The following NCOR2 variants were observed in gnomAD, a reference collection of about 807,000 sequenced individuals.
NCOR2 encodes the protein CTG repeat protein 26.
NCOR2 carries 81 observed loss-of-function variants against 262.9 expected under a neutral mutation model. The observed-to-expected ratio is 0.31, with a 90% confidence interval of 0.26 to 0.37. NCOR2 has a LOEUF of 0.37. Among genes scored for constraint, NCOR2 ranks in the 10% least tolerant of loss-of-function variants. The pLI, the probability that NCOR2 is intolerant of heterozygous loss-of-function variation, is 1.00. For synonymous variants in NCOR2, 1,659 were observed against 1,559.3 expected (o/e 1.06, Z -1.51); for missense variants, 3,385 against 3,621.4 (o/e 0.93, Z 1.68).
chr12:124,345,811 C>T (rs1346417201), intron 31 of NCOR2, among the ~76,000 whole-genome samples: 2 of 152,196 alleles, frequency 1.3e-5, no homozygotes, highest in African/African-American at 2.4e-5. Context: ...CCTCCCGGGA[C>T]ACCCACCCCA....
At chr12:124,394,282 A>G (rs1033650469) in intron 16 of NCOR2, among the ~76,000 whole-genome samples, 2 of 152,226 alleles carry the variant, frequency 1.3e-5, no homozygotes, top group African/African-American at 4.8e-5. Flanking sequence ...AACGATGGTA[A>G]CTGAGGGTGA....
chr12:124,325,637 T>C, intron 46 of NCOR2, 54 bp from the exon 49 acceptor site: 1 of 1,202,538 alleles, frequency 8.3e-7, no homozygotes, highest in Non-Finnish European at 1.1e-6. Context: ...CGGCAGCCCC[T>C]GCTGGCCGCC....
At position 124,340,156 on chromosome 12, in the gene NCOR2, C is replaced by T. The variant is rs764887683; in HGVS notation, c.5537G>A (p.Ser1846Asn). 2 of 1,576,188 alleles carry T rather than the reference C, an allele frequency of 1.3e-6. No individual in the cohort carries two copies. Among genetic ancestry groups the T allele is most frequent in the Non-Finnish European group, 1.7e-6 (2 of 1,167,574 alleles). Residue 1846 changes from serine (S) to asparagine (N), a missense_variant, in exon 37 of 47, where the codon AGC becomes AAC. This residue lies in a region of NCOR2 where 1,017 missense variants were observed against 967.2 expected (regional missense o/e 1.05). Coordinates refer to ENST00000405201, the Ensembl canonical transcript of NCOR2. Reference sequence around the variant, plus strand: ...GGCATGGGAGTGGGAGGCGGGGCGGCTGCTGCTGCCCCCACCCCCGCCGCT... The same window carrying T: ...GGCATGGGAGTGGGAGGCGGGGCGGTTGCTGCTGCCCCCACCCCCGCCGCT...
intron 32 of NCOR2, among the ~76,000 whole-genome samples, chr12:124,344,040 A>G (rs1566370725): frequency 1.3e-5 from 2 of 152,348 alleles, no homozygotes; most frequent in South Asian, 2.1e-4. Flanking sequence ...GATGGAAAGA[A>G]ACCCACTAAG....
At chr12:124,461,805 T>G (rs531990351) in intron 5 of NCOR2, among the ~76,000 whole-genome samples, 1 of 152,248 alleles carries the variant, frequency 6.6e-6, no homozygotes, top group African/African-American at 2.4e-5. Context: ...ATGCCTCACA[T>G]GTGCCAATTC....
chr12:124,340,032 C>G, exon 37 of NCOR2: 1 of 1,612,604 alleles, frequency 6.2e-7, no homozygotes, highest in Non-Finnish European at 8.5e-7. Context: ...TGCTGGGCTC[C>G]ACAGCGGTGA....
At chr12:124,509,249 G>GGGGGGC (rs77999680) in intron 1 of NCOR2, among the ~76,000 whole-genome samples, 1 of 145,850 alleles carries the variant, frequency 6.9e-6, no homozygotes, top group African/African-American at 2.7e-5. Flanking sequence ...GGGGGGGGGG[G>GGGGGGC]CTTAACTCTG....
intron 13 of NCOR2, among the ~76,000 whole-genome samples, chr12:124,403,098 C>T (rs1390620922): frequency 2.0e-5 from 3 of 152,140 alleles, no homozygotes; most frequent in African/African-American, 4.8e-5. Context: ...TGGGGACACA[C>T]CCCTGATGCC....
At chr12:124,499,350 A>G (rs564891120), upstream of NCOR2, among the ~76,000 whole-genome samples, 8 of 152,228 alleles carry the variant, frequency 5.3e-5, 1 homozygote, top group South Asian at 1.7e-3. Context: ...TTACATACAC[A>G]CTGTGGTCCC....
rs186612391 is a variant in NCOR2 at position 124,348,248 on chromosome 12, G to A, written c.3911C>T (p.Thr1304Met). ...GTCATAGGTGCGCTTGGGGGCGGCC[G>A]TCTCATGGGGGGGTCCTGAGCTGCT... Residue 1304 changes from threonine to methionine, a missense_variant, in exon 29 of 47, where the codon ACG (threonine) becomes ATG (methionine). Thr to Met is a moderately conservative substitution (Grantham distance 81). Transcript: ENST00000405201. 763 of 1,613,256 alleles carry A rather than the reference G, an allele frequency of 4.7e-4. 5 individuals carry two copies. The African/African-American group carries it at 8.7e-3, about 18-fold the overall frequency.
chr12:124,347,733 C>G (rs1035274879), intron 30 of NCOR2, 92 bp downstream of exon 32: 4 of 1,313,856 alleles, frequency 3.0e-6, no homozygotes, highest in Non-Finnish European at 4.3e-6. Flanking sequence ...GTCCTGAGTT[C>G]CCACCACACT....
chr12:124,458,643 G>C (rs1431830842), intron 5 of NCOR2, among the ~76,000 whole-genome samples: 1 of 152,366 alleles, frequency 6.6e-6, no homozygotes, highest in East Asian at 1.9e-4. Flanking sequence ...AGCGCCATGG[G>C]AGGTACAGGC....
intron 3 of NCOR2, among the ~76,000 whole-genome samples, chr12:124,479,468 C>CACAT (rs1316098578): frequency 1.0e-5 from 1 of 100,458 alleles, no homozygotes; most frequent in Non-Finnish European, 2.3e-5. Flanking sequence ...CACACACACA[C>CACAT]AAACACGCAG....
intron 7 of NCOR2, among the ~76,000 whole-genome samples, chr12:124,442,481 C>G (rs922437229): frequency 1.7e-4 from 26 of 152,206 alleles, no homozygotes; most frequent in Non-Finnish European, 3.8e-4. Flanking sequence ...ATAAGCTGTC[C>G]ACATGAGGGG....
chr12:124,357,562 C>CACCT (rs1312578705), intron 22 of NCOR2, among the ~76,000 whole-genome samples: 22 of 152,236 alleles, frequency 1.4e-4, no homozygotes, highest in Non-Finnish European at 2.8e-4. Flanking sequence ...CTCCAGAGTG[C>CACCT]TGGAATTACA....
chr12:124,472,802 G>A (rs1314637893), intron 4 of NCOR2, 150 bp downstream of exon 6: 1 of 959,816 alleles, frequency 1.0e-6, no homozygotes, highest in Non-Finnish European at 1.6e-6. Context: ...TTCTGTGGAT[G>A]TGCTCCTGTC....
rs2040175572 is a variant in NCOR2, at chr12:124,378,400, G to A, written c.2020-16C>T. 2 of 1,605,708 alleles carry A rather than the reference G, an allele frequency of 1.2e-6. No individual in the cohort carries two copies. The highest frequency in any genetic ancestry group is 1.7e-5 in the Admixed American group (1 of 59,626). Reference sequence around the variant, plus strand: ...TCTCCTTCTCCTGGGGCACAGGGAAGCAGCAGATCAGGACTGGGGCCTGGG... The same window carrying A: ...TCTCCTTCTCCTGGGGCACAGGGAAACAGCAGATCAGGACTGGGGCCTGGG... On this transcript the variant is annotated splice_polypyrimidine_tract_variant and intron_variant, in intron 17 of 46. Transcript: ENST00000405201. The surrounding 1 kb of genome is among the most constrained non-coding windows in gnomAD (Gnocchi z 4.2).
chr12:124,453,660 GCCCCAGC>G (rs1290822656), intron 6 of NCOR2, among the ~76,000 whole-genome samples: 1 of 152,214 alleles, frequency 6.6e-6, no homozygotes, highest in Non-Finnish European at 1.5e-5. Context: ...TGAAGTGACA[GCCCCAGC>G]CCTCAACCCG....
intron 1 of NCOR2, among the ~76,000 whole-genome samples, chr12:124,552,040 C>A (rs2051729816): frequency 6.6e-6 from 1 of 152,134 alleles, no homozygotes; most frequent in Non-Finnish European, 1.5e-5. Context: ...TAAAAAGGGG[C>A]TGGGTGCAGT....
Sources: allele counts gnomAD v4.1 joint callset (sites outside exome capture counted in the v4.1 genomes callset), GRCh38; gene constraint gnomAD v4.1.1; regional missense constraint gnomAD v4.1.1; non-coding constraint Gnocchi (gnomAD v3.1); transcripts MANE v1.5; gene names NCBI Gene and HGNC (gene_info 2026-07-23, HGNC 2026-07-21).